Variants in CBLB observed in about 807,000 individuals in gnomAD.
CBLB encodes E3 ubiquitin-protein ligase CBL-B.
A neutral mutation model predicts 104.9 loss-of-function variants in CBLB; 31 were observed. The observed-to-expected ratio is 0.30, with a 90% CI of 0.22 to 0.40. The LOEUF is 0.40. CBLB is among the 10% of genes least tolerant of loss of function. The pLI is 1.00. For synonymous variants in CBLB, 440 were observed against 422.6 expected (o/e 1.04, Z -0.51); for missense variants, 1,062 against 1,214.6 (o/e 0.87, Z 1.87).
chr3:105,765,698 T>C (rs2078145255), intron 4 of CBLB, among the ~76,000 whole-genome samples: 1 of 152,176 alleles, frequency 6.6e-6, no homozygotes, highest in African/African-American at 2.4e-5. Context: ...GATTACTGAA[T>C]ATTTTAAGCC....
intron 18 of CBLB, among the ~76,000 whole-genome samples, chr3:105,660,877 T>C (rs1212581128): frequency 6.6e-6 from 1 of 152,094 alleles, no homozygotes; most frequent in Non-Finnish European, 1.5e-5. Context: ...TCATCCTATA[T>C]ACAATTATAG....
At chr3:105,679,691 G>A (rs1199796537) in intron 16 of CBLB, among the ~76,000 whole-genome samples, 1 of 151,746 alleles carries the variant, frequency 6.6e-6, no homozygotes, top group Non-Finnish European at 1.5e-5. Flanking sequence ...CAGGGGAATC[G>A]CTTGAACCCA....
intron 2 of CBLB, among the ~76,000 whole-genome samples, chr3:105,857,892 T>A (rs2091765857): frequency 6.6e-6 from 1 of 152,126 alleles, no homozygotes; most frequent in African/African-American, 2.4e-5. Flanking sequence ...TACAAACTGC[T>A]ACAGGAGAAA....
intron 10 of CBLB, 102 bp downstream of exon 10, chr3:105,719,945 T>C (rs2072519515): frequency 4.4e-6 from 4 of 905,744 alleles, no homozygotes; most frequent in Non-Finnish European, 7.2e-6. Flanking sequence ...GTGTGCCTCT[T>C]TTCTAAACTC....
chr3:105,867,381 T>C, intron 2 of CBLB, 29 bp downstream of exon 2: 3 of 1,608,048 alleles, frequency 1.9e-6, no homozygotes, highest in Non-Finnish European at 2.6e-6. Context: ...GAATAGTGTT[T>C]CGCACAGGCA....
rs146009864 is a variant in CBLB at position 105,719,394 on chromosome 3, A to G, written c.1407+653T>C. On this transcript the variant is annotated intron_variant, in intron 10 of 18. Coordinates refer to ENST00000394030, the MANE Select transcript of CBLB (RefSeq NM_170662.5). ...TCTAGTTCTCTCTCAAACTATGATT[A>G]TATCAGCCTGTCAACATTATAGTAG... Among the ~76,000 whole-genome samples, 1,346 of 152,356 alleles carry G rather than the reference A, an allele frequency of 8.8e-3. 7 individuals are homozygous for G. Among genetic ancestry groups the G allele is most frequent in the Non-Finnish European group, 0.014 (960 of 68,022 alleles).
In CBLB at chr3:105,721,289, G is replaced by A. The variant is rs3772530; in HGVS notation, c.1204-1039C>T. ...TCCATAATTAATTCAGGACTGTCCTGTCCACTTGGTTTAATAGGAAATTAG... is the reference window on the plus strand; with the variant it reads ...TCCATAATTAATTCAGGACTGTCCTATCCACTTGGTTTAATAGGAAATTAG... On this transcript the variant is annotated intron_variant, in intron 9 of 18. Coordinates refer to ENST00000394030, the MANE Select transcript of CBLB (RefSeq NM_170662.5). Among the ~76,000 whole-genome samples, 87 of 152,280 alleles carry A rather than the reference G, an allele frequency of 5.7e-4. 2 individuals carry two copies. The East Asian group carries it at 0.016, about 28-fold the overall frequency.
chr3:105,739,567 T>A (rs552943358), intron 7 of CBLB, among the ~76,000 whole-genome samples: 2 of 152,302 alleles, frequency 1.3e-5, no homozygotes, highest in East Asian at 3.9e-4. Flanking sequence ...CCATACTTTG[T>A]GTGTGGAGTG....
chr3:105,849,021 A>G (rs76857737), intron 3 of CBLB, among the ~76,000 whole-genome samples: 2,055 of 152,278 alleles, frequency 0.013, 44 homozygotes, highest in African/African-American at 0.047. Context: ...CTGACTATTC[A>G]GAATGAGGCC....
At chr3:105,865,782 G>C (rs2092392445) in intron 2 of CBLB, among the ~76,000 whole-genome samples, 3 of 152,176 alleles carry the variant, frequency 2.0e-5, no homozygotes, top group South Asian at 4.1e-4. Context: ...GGAGGGTGGG[G>C]GAAAAAGAAC....
At chr3:105,787,803 A>G (rs367596584) in intron 3 of CBLB, among the ~76,000 whole-genome samples, 1 of 152,200 alleles carries the variant, frequency 6.6e-6, no homozygotes, top group Non-Finnish European at 1.5e-5. Flanking sequence ...CATCACAGGC[A>G]TTACTGACAT....
At chr3:105,678,043 A>G (rs554917038) in intron 17 of CBLB, among the ~76,000 whole-genome samples, 1 of 152,278 alleles carries the variant, frequency 6.6e-6, no homozygotes, top group South Asian at 2.1e-4. Flanking sequence ...ATATCTAGTA[A>G]AATTTTAAAA....
At chr3:105,799,859 A>G (rs905546621) in intron 3 of CBLB, among the ~76,000 whole-genome samples, 1 of 152,144 alleles carries the variant, frequency 6.6e-6, no homozygotes, top group African/African-American at 2.4e-5. Flanking sequence ...CTCAGCTCCT[A>G]AGGTCTCTTA....
Position 105,681,465 on chromosome 3 carries a change from T to G in CBLB, c.2428+14A>C, listed in dbSNP as rs529595491. On this transcript the variant is annotated intron_variant, in intron 16 of 18. Coordinates refer to ENST00000394030, the MANE Select transcript of CBLB (RefSeq NM_170662.5). ...GAGGGGTGGGTTGTTCAAAACTTTT[T>G]TAAAGGTTTCAACCTAATGGAGGGA... 9.9e-6 allele frequency: 16 copies of G among 1,613,750 alleles called. No homozygotes were observed. In the African/African-American group the frequency reaches 1.9e-4, roughly 19 times the overall value.
chr3:105,800,373 C>T (rs754704630), intron 3 of CBLB, among the ~76,000 whole-genome samples: 43 of 152,118 alleles, frequency 2.8e-4, no homozygotes, highest in Non-Finnish European at 3.4e-4. Context: ...TAACACACAA[C>T]GAATCCCAAG....
At chr3:105,791,301 G>A (rs186191199) in intron 3 of CBLB, among the ~76,000 whole-genome samples, 2 of 152,256 alleles carry the variant, frequency 1.3e-5, no homozygotes, top group African/African-American at 2.4e-5. Context: ...TGTATTAACC[G>A]TTTGAAACAC....
At chr3:105,720,371 G>A (rs1380746866) in intron 9 of CBLB, 121 bp from the exon 10 acceptor site, 1 of 856,778 alleles carries the variant, frequency 1.2e-6, no homozygotes, top group African/African-American at 1.7e-5. Context: ...GGTAGGAGGT[G>A]GGGGAAGATT....
At chr3:105,778,739 A>G (rs1419658159) in intron 3 of CBLB, among the ~76,000 whole-genome samples, 1 of 152,192 alleles carries the variant, frequency 6.6e-6, no homozygotes, top group African/African-American at 2.4e-5. Context: ...ACTTTTGCAC[A>G]ACTCATCCTA....
chr3:105,801,936 G>T (rs2082925155), intron 3 of CBLB, among the ~76,000 whole-genome samples: 1 of 152,206 alleles, frequency 6.6e-6, no homozygotes, highest in African/African-American at 2.4e-5. Flanking sequence ...TGAGGAAGTT[G>T]CCTGGATTCT....
Sources: gnomAD v4.1 joint callset for allele counts (sites outside exome capture counted in the v4.1 genomes callset) on GRCh38, gnomAD v4.1.1 for gene constraint, MANE v1.5 for transcripts, NCBI Gene and HGNC (gene_info 2026-07-23, HGNC 2026-07-21) for gene names.